TRPC4: variants seen among roughly 807,000 people sequenced by gnomAD.
TRPC4 encodes short transient receptor potential channel 4.
Under a neutral mutation model 99.4 loss-of-function variants are expected in TRPC4, and 49 were observed. The observed-to-expected ratio is 0.49, with a 90% CI of 0.39 to 0.63. The LOEUF is 0.63. Ranked by LOEUF, TRPC4 falls within the 20% of genes least tolerant of loss-of-function variation. TRPC4 has a pLI of 0.00. For missense variants in TRPC4, 898 were observed against 1,152.9 expected, an observed-to-expected ratio of 0.78 and a Z score of 3.20; for synonymous variants, 454 against 425.9, an observed-to-expected ratio of 1.07 and a Z score of -0.81.
rs372189961 is a variant in TRPC4 at position 37,783,115 on chromosome 13, A to C, written c.219T>G (p.Ala73=). 8 of 1,613,296 alleles carry C rather than the reference A, an allele frequency of 5.0e-6. No homozygotes were observed. The African/African-American group carries it at 1.1e-4, about 22-fold the overall frequency. ...INCIDPLGRT[A]LLIAIENENL... Reference sequence around the variant, plus strand: ...TCTCATTTTCAATTGCAATGAGGAGAGCAGTTCTTCCGAGAGGATCAATGC... The same window carrying C: ...TCTCATTTTCAATTGCAATGAGGAGCGCAGTTCTTCCGAGAGGATCAATGC... The change falls in exon 2 of 11, where the codon GCT becomes GCG. Residue 73 remains alanine, a synonymous_variant. Coordinates refer to ENST00000379705, the MANE Select transcript of TRPC4 (RefSeq NM_016179.4).
chr13:37,803,455 C>G lies in TRPC4; in HGVS notation c.-27-20095G>C, dbSNP rs1957455901. The stretch of plus-strand genomic sequence containing the variant: ...TTGTGCACACACACATCCTTACACA[C>G]ACAAAATCATTCTGATATTTAAAAC... On this transcript the variant is annotated intron_variant, in intron 1 of 10. Coordinates refer to ENST00000379705, the MANE Select transcript of TRPC4 (RefSeq NM_016179.4). Among the ~76,000 whole-genome samples the G allele has an allele frequency of 2.0e-5, 3 of 152,128 alleles. No individual in the cohort carries two copies. In the South Asian group the frequency reaches 6.2e-4, roughly 32 times the overall value.
intron 3 of TRPC4, among the ~76,000 whole-genome samples, chr13:37,712,162 G>T (rs1321791325): frequency 1.3e-5 from 2 of 152,034 alleles, no homozygotes; most frequent in Non-Finnish European, 2.9e-5. Flanking sequence ...ACCCTCAACA[G>T]GTCTATTCCA....
Position 37,868,648 on chromosome 13 carries a change from TAAAACAACTA to T in TRPC4, c.-28+937_-28+946del, listed in dbSNP as rs1959939776. Among the ~76,000 whole-genome samples, 5 of 149,238 alleles carry T rather than the reference TAAAACAACTA, an allele frequency of 3.4e-5. No individual in the cohort carries two copies. In the South Asian group the frequency reaches 6.3e-4, roughly 19 times the overall value. ...CAAGTCTGTCTATTTTTTTTTTTAA[TAAAACAACTA>T]AAGCTTCCTTCTGTCTCTTCCTACT... On this transcript the variant is annotated intron_variant, in intron 1 of 10. Transcript: ENST00000379705.
intron 5 of TRPC4, among the ~76,000 whole-genome samples, chr13:37,669,607 T>A (rs1483861072): frequency 6.6e-6 from 1 of 152,184 alleles, no homozygotes; most frequent in Admixed American, 6.6e-5. Context: ...ATATAAAAAT[T>A]GAGAGCAAAT....
chr13:37,829,792 A>T (rs980008650), intron 1 of TRPC4, among the ~76,000 whole-genome samples: 2 of 152,238 alleles, frequency 1.3e-5, no homozygotes, highest in African/African-American at 2.4e-5. Context: ...TATATAATAG[A>T]CTGTCATTCA....
intron 7 of TRPC4, 115 bp from the exon 8 acceptor site, chr13:37,651,574 G>T (rs1378810313): frequency 4.3e-6 from 4 of 935,206 alleles, no homozygotes; most frequent in African/African-American, 1.7e-5. Flanking sequence ...TAATTAAATT[G>T]CTTCTAAAAC....
intron 1 of TRPC4, among the ~76,000 whole-genome samples, chr13:37,858,939 A>G (rs1959197570): frequency 6.6e-6 from 1 of 151,530 alleles, no homozygotes; most frequent in Admixed American, 6.6e-5. Context: ...GCATAAATGG[A>G]TGGTTTGTAA....
chr13:37,651,491 G>T (rs1405777603), intron 7 of TRPC4, 32 bp from the exon 8 acceptor site: 5 of 1,588,272 alleles, frequency 3.1e-6, no homozygotes, highest in South Asian at 1.1e-5. Flanking sequence ...CTGATGATAG[G>T]TTCCTTAATT....
Position 37,750,689 on chromosome 13 carries a change from T to C in TRPC4, c.379-4234A>G, listed in dbSNP as rs147639817. On this transcript the variant is annotated intron_variant, in intron 2 of 10. Coordinates refer to ENST00000379705, the MANE Select transcript of TRPC4 (RefSeq NM_016179.4). ...TGTACTTTAAGTTCTGGAGTACATG[T>C]GCAGAATGTGCAGGTTTGTTACATA... 4.0e-4 allele frequency among the ~76,000 whole-genome samples: 61 copies of C among 152,236 alleles called. No individual in the cohort carries two copies. In the East Asian group the frequency reaches 0.012, roughly 29 times the overall value.
chr13:37,749,761 G>A (rs1955881230), intron 2 of TRPC4, among the ~76,000 whole-genome samples: 1 of 151,736 alleles, frequency 6.6e-6, no homozygotes, highest in South Asian at 2.1e-4. Context: ...TTTTGTTGTT[G>A]GATATTGCTA....
intron 1 of TRPC4, among the ~76,000 whole-genome samples, chr13:37,813,074 G>A (rs955821529): frequency 2.6e-5 from 4 of 151,474 alleles, no homozygotes; most frequent in Admixed American, 2.0e-4. Flanking sequence ...AACCACAAAG[G>A]CATAAAATTA....
intron 2 of TRPC4, among the ~76,000 whole-genome samples, chr13:37,768,814 A>G (rs1276779557): frequency 6.6e-6 from 1 of 151,386 alleles, no homozygotes; most frequent in Non-Finnish European, 1.5e-5. Context: ...GGAAGAAGCA[A>G]AGACTCCCAG....
intron 3 of TRPC4, among the ~76,000 whole-genome samples, chr13:37,703,161 A>G (rs1954157108): frequency 6.6e-6 from 1 of 152,200 alleles, no homozygotes; most frequent in African/African-American, 2.4e-5. Context: ...TTTGACTAGT[A>G]TAGTTGCGCT....
chr13:37,747,790 T>C (rs1402770074), intron 2 of TRPC4, among the ~76,000 whole-genome samples: 1 of 152,172 alleles, frequency 6.6e-6, no homozygotes, highest in Non-Finnish European at 1.5e-5. Context: ...GGTATGCAAT[T>C]ATTTAATAGT....
At chr13:37,699,333 A>G (rs1250070285) in intron 3 of TRPC4, among the ~76,000 whole-genome samples, 1 of 152,144 alleles carries the variant, frequency 6.6e-6, no homozygotes, top group East Asian at 1.9e-4. Flanking sequence ...TACATATACA[A>G]TCACTTATAG....
chr13:37,688,545 T>A (rs1031595260), intron 4 of TRPC4, among the ~76,000 whole-genome samples: 3 of 152,210 alleles, frequency 2.0e-5, no homozygotes, highest in Admixed American at 6.5e-5. Context: ...TGGACATTTA[T>A]GATATAAATA....
At chr13:37,682,283 G>T (rs1196813905) in intron 4 of TRPC4, among the ~76,000 whole-genome samples, 1 of 152,150 alleles carries the variant, frequency 6.6e-6, no homozygotes, top group African/African-American at 2.4e-5. Context: ...TTATGTTGTG[G>T]TATCAAATCA....
intron 4 of TRPC4, among the ~76,000 whole-genome samples, chr13:37,687,856 A>T (rs1481970194): frequency 6.6e-6 from 1 of 152,202 alleles, no homozygotes; most frequent in Non-Finnish European, 1.5e-5. Flanking sequence ...TGCTTGATCA[A>T]ACAACTGTTT....
chr13:37,846,745 T>A (rs1012857536), intron 1 of TRPC4, among the ~76,000 whole-genome samples: 4 of 152,034 alleles, frequency 2.6e-5, no homozygotes, highest in Non-Finnish European at 5.9e-5. Flanking sequence ...TGGATTAAAT[T>A]CTTCAATAAA....
Sources: gnomAD v4.1 joint callset for allele counts (sites outside exome capture counted in the v4.1 genomes callset) on GRCh38, gnomAD v4.1.1 for gene constraint, MANE v1.5 for transcripts, NCBI Gene and HGNC (gene_info 2026-07-23, HGNC 2026-07-21) for gene names.